SYNM: variants seen among roughly 807,000 people sequenced by gnomAD.
The protein encoded by SYNM is desmuslin.
A neutral mutation model predicts 104.0 loss-of-function variants in SYNM; 95 were observed. The observed-to-expected ratio is 0.91, with a 90% CI of 0.77 to 1.08. The LOEUF (loss-of-function observed/expected upper bound fraction) is 1.08. Ranked by LOEUF, SYNM falls within the 50% of genes least tolerant of loss-of-function variation. The pLI is 0.00. For synonymous variants in SYNM, 918 were observed against 869.0 expected (o/e 1.06, Z -0.99); for missense variants, 2,150 against 2,052.2 (o/e 1.05, Z -0.92).
chr15:99,132,790 A>G lies in SYNM; in HGVS notation c.4430A>G (p.Gln1477Arg). ...GTAGAGGCGATCCGCAGCCGGACAC[A>G]GGAAGCGGGAGCTCTCGGTGTGTCT... ...SNVEAIRSRT[Q>R]EAGALGVSDR... The change falls in exon 4 of 4, where the codon CAG becomes CGG. Residue 1477 changes from glutamine to arginine, a missense_variant. Gln to Arg is a conservative substitution (Grantham distance 43, BLOSUM62 1). Transcript: ENST00000336292. 1 of 1,613,944 alleles carries G rather than the reference A, an allele frequency of 6.2e-7. No individual in the cohort carries two copies. The highest frequency in any genetic ancestry group is 8.5e-7 in the Non-Finnish European group (1 of 1,179,884).
downstream of SYNM, among the ~76,000 whole-genome samples, chr15:99,138,471 G>A (rs957834960): frequency 4.6e-5 from 7 of 152,134 alleles, no homozygotes; most frequent in South Asian, 2.1e-4. Context: ...ATGCCACCAC[G>A]CCCAGCTAAT....
At chr15:99,121,712 G>T (rs8036877) in intron 2 of SYNM, among the ~76,000 whole-genome samples, 1 of 151,774 alleles carries the variant, frequency 6.6e-6, no homozygotes, top group Admixed American at 6.6e-5. Context: ...ACTCAGCATA[G>T]AGCCCAATGA....
At chr15:99,138,052 G>A (rs28617660), downstream of SYNM, 144,772 of 1,613,880 alleles carry the variant, frequency 0.09, 8,911 homozygotes, top group African/African-American at 0.32. Flanking sequence ...CCAGCAGGGT[G>A]TCCTGAGGGA....
At chr15:99,112,786 C>T (rs1555483533) in intron 1 of SYNM, among the ~76,000 whole-genome samples, 2 of 152,246 alleles carry the variant, frequency 1.3e-5, no homozygotes, top group Non-Finnish European at 2.9e-5. Flanking sequence ...TCTTGGCTCA[C>T]TGCAACCTCC....
At position 99,131,006 on chromosome 15, in the gene SYNM, A is replaced by G; in HGVS notation, c.2646A>G (p.Ala882=). The G allele has an allele frequency of 6.2e-7, 1 of 1,613,508 alleles. No homozygotes were observed. The highest frequency in any genetic ancestry group is 8.5e-7 in the Non-Finnish European group (1 of 1,179,670). The change falls in exon 4 of 4, where the codon GCA becomes GCG. Residue 882 remains alanine, a synonymous_variant. Transcript: ENST00000336292. This position sits in a 1 kb window ranked among gnomAD's most constrained non-coding sequence, Gnocchi z 4.3. ...GTRRRTQKDG[A]VGEKVVKPLD... ...GAAGGAGGACACAGAAGGACGGTGC[A>G]GTGGGCGAGAAGGTTGTGAAGCCCT...
intron 1 of SYNM, among the ~76,000 whole-genome samples, chr15:99,110,234 C>T (rs571243376): frequency 9.2e-5 from 14 of 152,150 alleles, no homozygotes; most frequent in Non-Finnish European, 1.8e-4. Flanking sequence ...CTGCTGAATC[C>T]GCAGCCATGA....
rs371395139 is a variant in SYNM, at chr15:99,133,066, A to G, written c.*8A>G. 3.3e-5 allele frequency: 53 copies of G among 1,612,006 alleles called. No homozygotes were observed. The African/African-American group carries it at 6.9e-4, about 21-fold the overall frequency. On this transcript the variant is annotated 3_prime_UTR_variant, in exon 4 of 4. Transcript: ENST00000336292. ...GATGGGCATTGGTTTTAATAAGCAG[A>G]AACATTTTGTTTTAATGGCAGCCTG...
At position 99,105,386 on chromosome 15, in the gene SYNM, G is replaced by A; in HGVS notation, c.187G>A (p.Glu63Lys). 1 of 1,514,612 alleles carries A rather than the reference G, an allele frequency of 6.6e-7. No homozygotes were observed. Among genetic ancestry groups the A allele is most frequent in the Non-Finnish European group, 8.8e-7 (1 of 1,137,476 alleles). 93.8% of individuals were successfully genotyped at this position (1,514,612 alleles called of 1,614,324 possible). The change falls in exon 1 of 4, where the codon GAG (glutamate) becomes AAG (lysine). Residue 63 changes from glutamate (E) to lysine (K), a missense_variant. By Grantham distance (56) the Glu-to-Lys change is moderately conservative. Transcript: ENST00000336292. ...CGAGGGGCAGGCCCGCTGCGCCGAG[G>A]AGGCGCGCAGCTTGCGGCAGCAGCT... ...WAEGQARCAEEARSLRQQLDE... is the reference protein window; with the variant it reads ...WAEGQARCAEKARSLRQQLDE...
intron 2 of SYNM, among the ~76,000 whole-genome samples, chr15:99,119,611 C>T (rs76937612): frequency 0.083 from 12,625 of 152,164 alleles, 573 homozygotes; most frequent in African/African-American, 0.1. Context: ...TGGGCCTGTC[C>T]GAGGTCACAG....
downstream of SYNM, chr15:99,135,641 C>T (rs1555486614): frequency 6.6e-6 from 1 of 152,536 alleles, no homozygotes; most frequent in African/African-American, 2.4e-5. Flanking sequence ...TTGATGTTTC[C>T]TTTAAACTCT....
rs1555485624 is a variant in SYNM at position 99,130,546 on chromosome 15, T to C, written c.2186T>C (p.Ile729Thr). The C allele has an allele frequency of 1.9e-6, 3 of 1,613,780 alleles. No individual in the cohort carries two copies. The highest frequency in any genetic ancestry group is 2.5e-6 in the Non-Finnish European group (3 of 1,179,840). The change falls in exon 4 of 4, where the codon ATC (isoleucine) becomes ACC (threonine). Residue 729 changes from isoleucine to threonine, a missense_variant. Coordinates refer to ENST00000336292, the MANE Select transcript of SYNM (RefSeq NM_145728.3). ...TCAGCCGAGCAGATGATAGGAGACA[T>C]CATCAACCTCGGCCTGAAAGGGAGG... ...GKSAEQMIGD[I>T]INLGLKGREG...
At chr15:99,113,472 T>C in intron 1 of SYNM, 119 bp from the exon 2 acceptor site, 1 of 1,340,118 alleles carries the variant, frequency 7.5e-7, no homozygotes, top group Non-Finnish European at 1.0e-6. Flanking sequence ...GCCGGGTGTT[T>C]TTCTGGTCTG....
rs1555485357 is a variant in SYNM at position 99,129,352 on chromosome 15, G to T, written c.1007-15G>T. 1 of 1,606,370 alleles carries T rather than the reference G, an allele frequency of 6.2e-7. No homozygotes were observed. The highest frequency in any genetic ancestry group is 1.7e-5 in the Admixed American group (1 of 59,866). On this transcript the variant is annotated splice_polypyrimidine_tract_variant and intron_variant, in intron 3 of 3. Transcript: ENST00000336292. Reference sequence around the variant, plus strand: ...TGACTGTCATTTTAATGAATGCTTTGTTCAATTTCTACAGAATTCAGAAAC... The same window carrying T: ...TGACTGTCATTTTAATGAATGCTTTTTTCAATTTCTACAGAATTCAGAAAC...
Position 99,130,272 on chromosome 15 carries a change from G to A in SYNM, c.1912G>A (p.Val638Ile), listed in dbSNP as rs74603848. The A allele has an allele frequency of 1.8e-3, 2,918 of 1,613,926 alleles. 41 individuals are homozygous for A. The African/African-American group carries it at 0.033, about 18-fold the overall frequency. ...SLQGDSMTET[V>I]AENIVTSILK... ...GCAAGGCGATTCCATGACAGAAACC[G>A]TAGCAGAAAACATCGTTACCAGTAT... Residue 638 changes from valine to isoleucine, a missense_variant, in exon 4 of 4, where the codon GTA becomes ATA. Physicochemically the swap from Val to Ile is conservative, Grantham distance 29 (BLOSUM62 3). Transcript: ENST00000336292.
rs2067527663 is a variant in SYNM, at chr15:99,132,869, G to A, written c.4509G>A (p.Val1503=). 2 of 1,613,978 alleles carry A rather than the reference G, an allele frequency of 1.2e-6. No homozygotes were observed. Among genetic ancestry groups the A allele is most frequent in the South Asian group, 1.1e-5 (1 of 91,056 alleles). Residue 1503 remains valine (V), a synonymous_variant, in exon 4 of 4, where the codon GTG becomes GTA. Coordinates refer to ENST00000336292, the MANE Select transcript of SYNM (RefSeq NM_145728.3). The part of the protein sequence containing the change: ...ADSRNDQAVG[V]SFKASAGEGD... Reference sequence around the variant, plus strand: ...GTAGGAATGACCAGGCAGTTGGTGTGAGCTTTAAGGCCTCTGCTGGGGAAG... The same window carrying A: ...GTAGGAATGACCAGGCAGTTGGTGTAAGCTTTAAGGCCTCTGCTGGGGAAG...
At chr15:99,124,381 C>A (rs1004681239) in intron 2 of SYNM, among the ~76,000 whole-genome samples, 17 of 152,180 alleles carry the variant, frequency 1.1e-4, no homozygotes, top group African/African-American at 4.1e-4. Flanking sequence ...CTACCCAAAG[C>A]ATGAACTCAA....
chr15:99,123,018 G>A (rs1478409226), intron 2 of SYNM, among the ~76,000 whole-genome samples: 3 of 152,202 alleles, frequency 2.0e-5, no homozygotes, highest in South Asian at 4.1e-4. Context: ...GTAGAAGGAG[G>A]TGGGGACGAC....
chr15:99,117,801 C>T (rs2067363532), intron 2 of SYNM, among the ~76,000 whole-genome samples: 3 of 148,492 alleles, frequency 2.0e-5, no homozygotes, highest in African/African-American at 7.5e-5. Flanking sequence ...AAGCCACGGG[C>T]CCAGCTTTTC....
At chr15:99,116,698 C>T (rs1156425494) in intron 2 of SYNM, among the ~76,000 whole-genome samples, 2 of 141,980 alleles carry the variant, frequency 1.4e-5, no homozygotes, top group Admixed American at 7.3e-5. Context: ...CATGGAGTCT[C>T]ACTCTGTCAC....
Sources: gnomAD v4.1 joint callset for allele counts (sites outside exome capture counted in the v4.1 genomes callset) on GRCh38, gnomAD v4.1.1 for gene constraint, Gnocchi (gnomAD v3.1) non-coding constraint, MANE v1.5 for transcripts, NCBI Gene and HGNC (gene_info 2026-07-23, HGNC 2026-07-21) for gene names.